Variants in BMP6 observed in about 807,000 individuals in gnomAD.
BMP6 encodes VG-1-R.
In BMP6, 17 loss-of-function variants were observed where a neutral mutation model predicts 54.1. The ratio of observed to expected loss-of-function variants is 0.31; its 90% CI spans 0.22 to 0.47. The LOEUF is 0.47. Among genes scored for constraint, BMP6 ranks in the 20% least tolerant of loss-of-function variants. The pLI is 1.00. For synonymous variants in BMP6, 328 were observed against 291.2 expected (o/e 1.13, Z -1.28); for missense variants, 720 against 690.4 (o/e 1.04, Z -0.48).
At chr6:7,822,780 C>T (rs545972462) in intron 1 of BMP6, among the ~76,000 whole-genome samples, 2 of 152,092 alleles carry the variant, frequency 1.3e-5, no homozygotes, top group African/African-American at 4.8e-5. Flanking sequence ...AACCTGAGTT[C>T]CAGAAGGCAC....
intron 1 of BMP6, among the ~76,000 whole-genome samples, chr6:7,794,486 G>A (rs568703200): frequency 6.6e-6 from 1 of 151,886 alleles, no homozygotes; most frequent in East Asian, 1.9e-4. Context: ...TTTAGACCCA[G>A]CTCCTCCAGA....
intron 1 of BMP6, among the ~76,000 whole-genome samples, chr6:7,728,098 G>A (rs1047111647): frequency 5.9e-5 from 9 of 152,214 alleles, no homozygotes; most frequent in African/African-American, 2.2e-4. Context: ...AGACTTTTAG[G>A]GAATCCGACA....
At chr6:7,740,574 G>A (rs764076374) in intron 1 of BMP6, among the ~76,000 whole-genome samples, 1 of 152,052 alleles carries the variant, frequency 6.6e-6, no homozygotes, top group Non-Finnish European at 1.5e-5. Context: ...TACTCTCATT[G>A]CAAGCTGGTA....
chr6:7,754,786 C>T (rs1035511193), intron 1 of BMP6, among the ~76,000 whole-genome samples: 1 of 152,148 alleles, frequency 6.6e-6, no homozygotes, highest in African/African-American at 2.4e-5. Context: ...GGTGCGATCT[C>T]GGCTCACTGC....
At chr6:7,879,505 T>G (rs992385053) in intron 5 of BMP6, among the ~76,000 whole-genome samples, 1 of 152,206 alleles carries the variant, frequency 6.6e-6, no homozygotes, top group African/African-American at 2.4e-5. Context: ...GGAAAAAAAT[T>G]ACCTAATGGT....
chr6:7,754,765 T>G (rs1004063745), intron 1 of BMP6, among the ~76,000 whole-genome samples: 10 of 152,250 alleles, frequency 6.6e-5, no homozygotes, highest in Non-Finnish European at 1.2e-4. Context: ...TTGCCCAGGC[T>G]GGAGTGCAGT....
intron 2 of BMP6, among the ~76,000 whole-genome samples, chr6:7,855,029 G>A (rs1447067763): frequency 6.6e-6 from 1 of 152,084 alleles, no homozygotes; most frequent in African/African-American, 2.4e-5. Context: ...CTTTGGACTC[G>A]ATCTCACCTG....
intron 1 of BMP6, among the ~76,000 whole-genome samples, chr6:7,763,538 G>C (rs770035642): frequency 2.0e-5 from 3 of 152,136 alleles, no homozygotes; most frequent in Non-Finnish European, 4.4e-5. Context: ...AGGCTGGCGG[G>C]TTTCATGCTA....
chr6:7,806,875 G>A (rs1388584261), intron 1 of BMP6, among the ~76,000 whole-genome samples: 1 of 152,156 alleles, frequency 6.6e-6, no homozygotes, highest in East Asian at 1.9e-4. Flanking sequence ...TAGGCAGGTA[G>A]GAAAGAAAAA....
At chr6:7,733,177 A>C (rs1425212991) in intron 1 of BMP6, among the ~76,000 whole-genome samples, 1 of 152,148 alleles carries the variant, frequency 6.6e-6, no homozygotes, top group Non-Finnish European at 1.5e-5. Flanking sequence ...AAGTGCTGGG[A>C]TTACAGGCTC....
intron 2 of BMP6, among the ~76,000 whole-genome samples, chr6:7,847,290 TCTGGGAGAA>T (rs1759082003): frequency 6.6e-6 from 1 of 152,196 alleles, no homozygotes; most frequent in Non-Finnish European, 1.5e-5. Context: ...AAGGGGAAAT[TCTGGGAGAA>T]CTGGGAGAGT....
At chr6:7,817,647 A>C (rs979265688) in intron 1 of BMP6, among the ~76,000 whole-genome samples, 4 of 152,018 alleles carry the variant, frequency 2.6e-5, no homozygotes, top group South Asian at 2.1e-4. Flanking sequence ...TGGGTGCAGC[A>C]CACCAACATG....
intron 1 of BMP6, among the ~76,000 whole-genome samples, chr6:7,772,836 G>T (rs925118097): frequency 6.6e-6 from 1 of 152,168 alleles, no homozygotes; most frequent in Non-Finnish European, 1.5e-5. Flanking sequence ...CCCCTAGTTG[G>T]TGTTCCCATT....
At chr6:7,866,106 C>T (rs956680313) in intron 4 of BMP6, among the ~76,000 whole-genome samples, 2 of 152,196 alleles carry the variant, frequency 1.3e-5, no homozygotes, top group Non-Finnish European at 2.9e-5. Context: ...TGGTTTGGAT[C>T]GACGTCTCCC....
intron 1 of BMP6, among the ~76,000 whole-genome samples, chr6:7,782,128 A>T (rs1231599178): frequency 6.6e-6 from 1 of 151,270 alleles, no homozygotes; most frequent in East Asian, 1.9e-4. Flanking sequence ...CCAACAAGAC[A>T]TGGCGATGGA....
intron 1 of BMP6, among the ~76,000 whole-genome samples, chr6:7,802,402 T>A (rs887941123): frequency 1.3e-5 from 2 of 152,190 alleles, no homozygotes; most frequent in Admixed American, 1.3e-4. Flanking sequence ...CATTCAGTCA[T>A]ATGATGGAGC....
intron 1 of BMP6, among the ~76,000 whole-genome samples, chr6:7,800,378 G>A (rs545780411): frequency 1.3e-5 from 2 of 152,232 alleles, no homozygotes; most frequent in African/African-American, 4.8e-5. Flanking sequence ...AAATTTTGTA[G>A]ATAATCAATA....
intron 4 of BMP6, among the ~76,000 whole-genome samples, chr6:7,875,317 T>C (rs1054501481): frequency 6.6e-6 from 1 of 152,212 alleles, no homozygotes; most frequent in Non-Finnish European, 1.5e-5. Context: ...AGGTCTATTT[T>C]ACTCAGTCTA....
At chr6:7,761,921 G>A (rs1020361063) in intron 1 of BMP6, among the ~76,000 whole-genome samples, 20 of 151,820 alleles carry the variant, frequency 1.3e-4, no homozygotes, top group African/African-American at 2.2e-4. Context: ...TTTTTGAGAC[G>A]GAGTCTGACT....
Sources: gnomAD v4.1 joint callset for allele counts (sites outside exome capture counted in the v4.1 genomes callset) on GRCh38, gnomAD v4.1.1 for gene constraint, MANE v1.5 for transcripts, NCBI Gene and HGNC (gene_info 2026-07-23, HGNC 2026-07-21) for gene names.